CUX1: variants seen among roughly 807,000 people sequenced by gnomAD.
CUX1 encodes protein CASP.
Under a neutral mutation model 158.8 loss-of-function variants are expected in CUX1, and 31 were observed. The observed-to-expected ratio is 0.20, with a 90% confidence interval of 0.15 to 0.26. The LOEUF is 0.26. CUX1 is among the 10% of genes least tolerant of loss of function. The pLI is 1.00. For synonymous variants in CUX1, 879 were observed against 862.1 expected, an observed-to-expected ratio of 1.02 and a Z score of -0.34; for missense variants, 1,589 against 2,014.6, an observed-to-expected ratio of 0.79 and a Z score of 4.04.
At chr7:102,067,902 T>TCTC (rs773281536) in intron 3 of CUX1, among the ~76,000 whole-genome samples, 17 of 151,660 alleles carry the variant, frequency 1.1e-4, no homozygotes, top group Non-Finnish European at 2.1e-4. Context: ...ACTCCTGTAG[T>TCTC]CTCAGCTACT....
At chr7:102,244,173 G>A (rs1294489305) in intron 23 of CUX1, among the ~76,000 whole-genome samples, 2 of 152,146 alleles carry the variant, frequency 1.3e-5, no homozygotes, top group Non-Finnish European at 2.9e-5. Flanking sequence ...CGTTATACCC[G>A]ACAGAGCTTC....
In CUX1 at chr7:102,105,573, C is replaced by T. The variant is rs568331302; in HGVS notation, c.530+1114C>T. ...CATTGCCCAGGCTGGAGTGCAATGG[C>T]GCAATCTCGGCTCACTGCAACCTCC... is the stretch of plus-strand genomic sequence containing the variant. On this transcript the variant is annotated intron_variant, in intron 6 of 23. Transcript: ENST00000292535. Among the ~76,000 whole-genome samples the T allele has an allele frequency of 2.8e-3, 370 of 132,012 alleles. 2 individuals are homozygous for T. The highest frequency in any genetic ancestry group is 0.01 in the African/African-American group (356 of 34,150). The allele number at this position is 132,012 out of a possible 152,430, so 86.6% of individuals were successfully genotyped here.
At chr7:102,028,321 C>T (rs1397739152) in intron 3 of CUX1, among the ~76,000 whole-genome samples, 176 bp downstream of exon 3, 1 of 152,232 alleles carries the variant, frequency 6.6e-6, no homozygotes, top group African/African-American at 2.4e-5. Flanking sequence ...CCATTGGGTC[C>T]TTGGTGAAAG....
chr7:102,111,075 A>C (rs1033234110), intron 6 of CUX1, among the ~76,000 whole-genome samples: 3 of 152,132 alleles, frequency 2.0e-5, no homozygotes. Context: ...ATATGATATA[A>C]AAATAATCAA....
chr7:101,832,877 A>AC (rs1411158187), intron 1 of CUX1, among the ~76,000 whole-genome samples: 1 of 151,886 alleles, frequency 6.6e-6, no homozygotes. Flanking sequence ...TCCCCATCTT[A>AC]CCAGGAGCAG....
At chr7:102,167,853 G>A (rs782313298) in intron 9 of CUX1, among the ~76,000 whole-genome samples, 4 of 151,430 alleles carry the variant, frequency 2.6e-5, no homozygotes, top group Non-Finnish European at 5.9e-5. Flanking sequence ...GCCAAGGCAT[G>A]GATCACCTGA....
At chr7:101,899,202 C>T (rs574460589) in intron 1 of CUX1, among the ~76,000 whole-genome samples, 1 of 152,304 alleles carries the variant, frequency 6.6e-6, no homozygotes, top group Admixed American at 6.5e-5. Context: ...TACTGAGCGG[C>T]CTTTTGCCCT....
At chr7:101,998,158 T>C (rs1816204547) in intron 2 of CUX1, among the ~76,000 whole-genome samples, 1 of 152,200 alleles carries the variant, frequency 6.6e-6, no homozygotes, top group Non-Finnish European at 1.5e-5. Flanking sequence ...ACAGTACAGA[T>C]GGCAGGGCTG....
chr7:102,027,401 A>G (rs1452593355), intron 2 of CUX1, among the ~76,000 whole-genome samples: 1 of 152,148 alleles, frequency 6.6e-6, no homozygotes, highest in Non-Finnish European at 1.5e-5. Flanking sequence ...GCTAAAATAC[A>G]GTGCAGTGGC....
intron 4 of CUX1, among the ~76,000 whole-genome samples, chr7:102,095,767 A>G (rs1829109951): frequency 6.6e-6 from 1 of 152,212 alleles, no homozygotes; most frequent in Non-Finnish European, 1.5e-5. Context: ...GCCATCTCAC[A>G]AGTGACACTG....
intron 1 of CUX1, among the ~76,000 whole-genome samples, chr7:101,908,240 T>A (rs994111538): frequency 6.6e-6 from 1 of 152,220 alleles, no homozygotes. Context: ...TGGGGAGGTG[T>A]TTTTACACTT....
In CUX1 at chr7:102,249,422, A is replaced by G. The variant is rs1801238999; in HGVS notation, c.*380A>G. 2 of 987,236 alleles carry G rather than the reference A, an allele frequency of 2.0e-6. No homozygotes were observed. Among genetic ancestry groups the G allele is most frequent in the Non-Finnish European group, 2.4e-6 (2 of 830,894 alleles). The allele number at this position is 987,236 out of a possible 1,614,324, so 61.2% of individuals were successfully genotyped here. On this transcript the variant is annotated 3_prime_UTR_variant, in exon 24 of 24. Transcript: ENST00000292535. ...AACAAAGGAGCATTAAGCCCAATCT[A>G]TGTCGTGTTTTCAAGGAAGAAAACG...
At chr7:101,816,454 G>A (rs1175165870), upstream of CUX1, among the ~76,000 whole-genome samples, 3 of 140,734 alleles carry the variant, frequency 2.1e-5, no homozygotes, top group Admixed American at 6.9e-5. Context: ...CCGCGGGACC[G>A]GGGAGGGGGC....
intron 2 of CUX1, among the ~76,000 whole-genome samples, chr7:101,977,515 A>G (rs185892268): frequency 7.2e-5 from 11 of 152,224 alleles, no homozygotes; most frequent in Middle Eastern, 3.4e-3. Context: ...GATGGTGCAC[A>G]CCTGTAGTCC....
chr7:102,028,854 G>A (rs1347210606), intron 3 of CUX1, among the ~76,000 whole-genome samples: 3 of 152,032 alleles, frequency 2.0e-5, no homozygotes, highest in African/African-American at 2.4e-5. Flanking sequence ...TTATTCTTGC[G>A]GATTTATTGA....
At chr7:101,900,166 C>T (rs1000754675) in intron 1 of CUX1, among the ~76,000 whole-genome samples, 4 of 152,158 alleles carry the variant, frequency 2.6e-5, no homozygotes, top group African/African-American at 7.2e-5. Context: ...TTCCCTCTGC[C>T]GGTGTCCCTC....
rs868948337 is a variant in CUX1, at chr7:102,155,080, G to T, written c.675-3480G>T. Among the ~76,000 whole-genome samples the T allele has an allele frequency of 7.2e-5, 11 of 152,298 alleles. No individual in the cohort carries two copies. The South Asian group carries it at 2.3e-3, about 32-fold the overall frequency. The stretch of plus-strand genomic sequence containing the variant: ...CATAGATGAGATACGCAGGACCTAA[G>T]CCTGCATCTCTATGTGCCCATTCCA... On this transcript the variant is annotated intron_variant, in intron 8 of 23. Transcript: ENST00000292535.
intron 8 of CUX1, among the ~76,000 whole-genome samples, chr7:102,118,642 A>G (rs1219789748): frequency 6.6e-6 from 1 of 152,210 alleles, no homozygotes; most frequent in African/African-American, 2.4e-5. Flanking sequence ...AGGGTCCACT[A>G]CGAGCTCTCT....
chr7:101,922,346 T>C (rs777385819), intron 2 of CUX1, among the ~76,000 whole-genome samples: 15 of 152,216 alleles, frequency 9.9e-5, no homozygotes, highest in Non-Finnish European at 1.9e-4. Flanking sequence ...AGAAACACTC[T>C]TATGTCAGTG....
Sources: gnomAD v4.1 joint callset for allele counts (sites outside exome capture counted in the v4.1 genomes callset) on GRCh38, gnomAD v4.1.1 for gene constraint, MANE v1.5 for transcripts, NCBI Gene and HGNC (gene_info 2026-07-23, HGNC 2026-07-21) for gene names.